The following ACOT12 variants were observed in gnomAD, a reference collection of about 807,000 sequenced individuals.
The protein encoded by ACOT12 is acetyl-coenzyme A thioesterase.
Under a neutral mutation model 67.7 loss-of-function variants are expected in ACOT12, and 51 were observed. The observed-to-expected ratio is 0.75, with a 90% CI of 0.60 to 0.95. The LOEUF (loss-of-function observed/expected upper bound fraction) is 0.95. Ranked by LOEUF, ACOT12 falls within the 40% of genes least tolerant of loss-of-function variation. The probability of loss-of-function intolerance (pLI) is 0.00; values close to 1 mark genes in which losing one functional copy is unlikely to be tolerated. For missense variants in ACOT12, 734 were observed against 708.1 expected, an observed-to-expected ratio of 1.04 and a Z score of -0.41; for synonymous variants, 251 against 244.6, an observed-to-expected ratio of 1.03 and a Z score of -0.24.
At chr5:81,312,510 T>C in the ACOT12 span, 13 of 1,548,490 alleles carry the variant, frequency 8.4e-6, no homozygotes, top group Non-Finnish European at 8.9e-6. Flanking sequence ...GATTACTGTT[T>C]TTCTAACATT....
Position 81,347,821 on chromosome 5 carries a change from A to AC in ACOT12, c.605dup (p.Gly203TrpfsTer32). Reference sequence around the variant, plus strand: ...TCTCCATCCACGCCATAATCTGGCCACCAAATGTATTTCCGTGATGGTTTG... The same window carrying AC: ...TCTCCATCCACGCCATAATCTGGCCACCCAAATGTATTTCCGTGATGGTTTG... On this transcript the variant is annotated frameshift_variant, in exon 6 of 15. Transcript: ENST00000307624. LOFTEE classifies it high-confidence loss of function. The AC allele has an allele frequency of 4.3e-6, 7 of 1,614,198 alleles. No homozygotes were observed. The highest frequency in any genetic ancestry group is 5.9e-6 in the Non-Finnish European group (7 of 1,180,026).
the ACOT12 span, among the ~76,000 whole-genome samples, chr5:81,317,239 C>T: frequency 1.3e-4 from 20 of 152,116 alleles, no homozygotes; most frequent in Non-Finnish European, 1.8e-4. Context: ...CAGTGGCTCA[C>T]GCCTGTAATC....
In ACOT12 at chr5:81,330,814, G is replaced by A. The variant is rs746317652; in HGVS notation, c.1518C>T (p.Ile506=). 1.2e-6 allele frequency: 2 copies of A among 1,613,066 alleles called. No homozygotes were observed. The highest frequency in any genetic ancestry group is 1.1e-5 in the South Asian group (1 of 90,942). The part of the protein sequence containing the change: ...LIHAIDSNSC[I]VSYFNHMSAS... ...TCTGCAGATGTTTCATCAAACTTAC[G>A]ATGCATGAATTGCTGTCAATAGCAT... The change falls in exon 14 of 15, where the codon ATC becomes ATT. Residue 506 remains isoleucine, a splice_region_variant and synonymous_variant. Coordinates refer to ENST00000307624, the MANE Select transcript of ACOT12 (RefSeq NM_130767.3).
rs923749852 is a variant in ACOT12, at chr5:81,335,781, C to T, written c.1249G>A (p.Asp417Asn). ...LSDFTKRPLW[D>N]PHFVSCEVID... is the part of the protein sequence containing the mutation. ...ATTTGTTCTTACACAAAATGGGGGT[C>T]CCACAAAGGTCGCTTTGTAAAGTCA... Residue 417 changes from aspartate (D) to asparagine (N), a missense_variant, in exon 12 of 15, where the codon GAC (aspartate) becomes AAC (asparagine). Physicochemically the swap from Asp to Asn is conservative, Grantham distance 23 (BLOSUM62 1). Coordinates refer to ENST00000307624, the MANE Select transcript of ACOT12 (RefSeq NM_130767.3). The T allele has an allele frequency of 6.2e-7, 1 of 1,606,496 alleles. No individual in the cohort carries two copies.
At chr5:81,355,368 G>A (rs575892776) in intron 5 of ACOT12, among the ~76,000 whole-genome samples, 10 of 152,290 alleles carry the variant, frequency 6.6e-5, no homozygotes, top group Non-Finnish European at 1.2e-4. Flanking sequence ...ACCTGTTACA[G>A]TACTATTCAG....
In ACOT12 at chr5:81,359,042, T is replaced by C. The variant is rs573482496; in HGVS notation, c.496+861A>G. Among the ~76,000 whole-genome samples the C allele has an allele frequency of 2.0e-5, 3 of 152,260 alleles. No individual in the cohort carries two copies. The East Asian group carries it at 5.8e-4, about 29-fold the overall frequency. On this transcript the variant is annotated intron_variant, in intron 5 of 14. Coordinates refer to ENST00000307624, the MANE Select transcript of ACOT12 (RefSeq NM_130767.3). ...TGCTACCTCTCCCTTTCCTCTGGCCTTTCCATGCACTCTTTCTCCTTCTCT... is the reference window on the plus strand; with the variant it reads ...TGCTACCTCTCCCTTTCCTCTGGCCCTTCCATGCACTCTTTCTCCTTCTCT...
the ACOT12 span, chr5:81,312,520 T>A: frequency 6.4e-7 from 1 of 1,573,174 alleles, no homozygotes; most frequent in Non-Finnish European, 8.7e-7. Flanking sequence ...TTTCTAACAT[T>A]CTGATTTTTC....
chr5:81,382,872 T>A (rs1760624450), intron 2 of ACOT12, among the ~76,000 whole-genome samples: 1 of 151,966 alleles, frequency 6.6e-6, no homozygotes, highest in African/African-American at 2.4e-5. Context: ...ATCCATAGGC[T>A]CTTAATGAAT....
At chr5:81,362,536 A>G (rs974170399) in intron 4 of ACOT12, among the ~76,000 whole-genome samples, 2 of 152,126 alleles carry the variant, frequency 1.3e-5, no homozygotes, top group East Asian at 1.9e-4. Flanking sequence ...GGGGAATATG[A>G]CGGTCTTCCT....
intron 5 of ACOT12, 142 bp from the exon 6 acceptor site, chr5:81,348,072 A>G (rs1759437788): frequency 1.2e-6 from 1 of 837,080 alleles, no homozygotes; most frequent in East Asian, 2.6e-5. Context: ...GAGAAAATTG[A>G]CAGGTTCTAC....
Position 81,365,796 on chromosome 5 carries a change from C to T in ACOT12, c.259-1907G>A, listed in dbSNP as rs190384328. Among the ~76,000 whole-genome samples, 347 of 152,164 alleles carry T rather than the reference C, an allele frequency of 2.3e-3. 2 individuals are homozygous for T. The highest frequency in any genetic ancestry group is 4.2e-3 in the Non-Finnish European group (283 of 68,026). On this transcript the variant is annotated intron_variant, in intron 3 of 14. Coordinates refer to ENST00000307624, the MANE Select transcript of ACOT12 (RefSeq NM_130767.3). Reference sequence around the variant, plus strand: ...AGGTTCTCAGGCTGAAGGTAATTTACGGTTAGGTTAGAGAAGAAAAACCTA... The same window carrying T: ...AGGTTCTCAGGCTGAAGGTAATTTATGGTTAGGTTAGAGAAGAAAAACCTA...
chr5:81,331,048 GA>G (rs1318486352), intron 13 of ACOT12, 108 bp from the exon 14 acceptor site: 1 of 1,255,386 alleles, frequency 8.0e-7, no homozygotes, highest in East Asian at 2.6e-5. Context: ...GTGAAACTAT[GA>G]AGGCCCAGAT....
Position 81,385,747 on chromosome 5 carries a change from T to C in ACOT12, c.197+10A>G, listed in dbSNP as rs775644357. 1 of 1,613,660 alleles carries C rather than the reference T, an allele frequency of 6.2e-7. No individual in the cohort carries two copies. Among genetic ancestry groups the C allele is most frequent in the Non-Finnish European group, 8.5e-7 (1 of 1,179,640 alleles). ...CCAGGAGAAAGGAGCCATGGAGCAA[T>C]GTCACTTACCTAGCTGTCTCCTCAA... On this transcript the variant is annotated intron_variant, in intron 2 of 14. Transcript: ENST00000307624.
intron 11 of ACOT12, among the ~76,000 whole-genome samples, chr5:81,337,671 A>T (rs1430239402): frequency 6.6e-6 from 1 of 152,198 alleles, no homozygotes; most frequent in Non-Finnish European, 1.5e-5. Context: ...GCTAGGAGAC[A>T]AGCATGGAAC....
intron 2 of ACOT12, among the ~76,000 whole-genome samples, chr5:81,375,173 T>G (rs1432977396): frequency 1.3e-5 from 2 of 152,096 alleles, no homozygotes; most frequent in African/African-American, 4.8e-5. Context: ...CAGAAGAGAG[T>G]GGCGGCCAAT....
At position 81,348,711 on chromosome 5, in the gene ACOT12, C is replaced by T. The variant is rs182823867; in HGVS notation, c.497-781G>A. 3.7e-4 allele frequency among the ~76,000 whole-genome samples: 57 copies of T among 152,150 alleles called. 1 individual carries two copies. Among genetic ancestry groups the T allele is most frequent in the East Asian group, 5.8e-4 (3 of 5,162 alleles). ...TCCCGAGTAGCTGGGCTTACAGGTG[C>T]GTGCCACCACGCCTGGCTAATTTTT... On this transcript the variant is annotated intron_variant, in intron 5 of 14. Coordinates refer to ENST00000307624, the MANE Select transcript of ACOT12 (RefSeq NM_130767.3).
intron 2 of ACOT12, among the ~76,000 whole-genome samples, chr5:81,380,817 G>T (rs747110644): frequency 3.9e-5 from 6 of 152,132 alleles, no homozygotes; most frequent in Non-Finnish European, 8.8e-5. Flanking sequence ...ACAGGGGTGT[G>T]TTCTGAGAAA....
Position 81,370,318 on chromosome 5 carries a change from G to C in ACOT12, c.258+1432C>G, listed in dbSNP as rs150125798. 2.2e-3 allele frequency among the ~76,000 whole-genome samples: 331 copies of C among 152,202 alleles called. 1 individual carries two copies. Among genetic ancestry groups the C allele is most frequent in the African/African-American group, 7.6e-3 (317 of 41,512 alleles). On this transcript the variant is annotated intron_variant, in intron 3 of 14. Coordinates refer to ENST00000307624, the MANE Select transcript of ACOT12 (RefSeq NM_130767.3). ...AAAAAAAGAAAGTGACCACATCAGG[G>C]TAAAGCCACCACCAATGGCATGGTT...
At chr5:81,327,955 A>C (rs774959116), downstream of ACOT12, among the ~76,000 whole-genome samples, 1 of 152,136 alleles carries the variant, frequency 6.6e-6, no homozygotes, top group Non-Finnish European at 1.5e-5. Context: ...TTACCCTTGG[A>C]GCAAACGCGT....
Sources: gnomAD v4.1 joint callset for allele counts (sites outside exome capture counted in the v4.1 genomes callset) on GRCh38, gnomAD v4.1.1 for gene constraint, MANE v1.5 for transcripts, NCBI Gene and HGNC (gene_info 2026-07-23, HGNC 2026-07-21) for gene names.